Variants in SCFD2 observed in about 807,000 individuals in gnomAD.
SCFD2 encodes sec1 family domain-containing protein 2.
SCFD2 carries 54 observed loss-of-function variants against 58.9 expected under a neutral mutation model. The observed-to-expected ratio is 0.92, with a 90% CI of 0.74 to 1.15. The LOEUF is 1.15. Among genes scored for constraint, SCFD2 ranks in the 50% most tolerant of loss-of-function variants. SCFD2 has a pLI of 0.00. For missense variants in SCFD2, 805 were observed against 836.6 expected (o/e 0.96, Z 0.47); for synonymous variants, 321 against 335.9 (o/e 0.96, Z 0.49).
chr4:53,026,991 C>T (rs1370063824), intron 5 of SCFD2, among the ~76,000 whole-genome samples: 1 of 152,228 alleles, frequency 6.6e-6, no homozygotes, highest in Non-Finnish European at 1.5e-5. Flanking sequence ...AATGAATTGC[C>T]TGTCACCCTA....
At chr4:53,278,340 CAG>C (rs1731397595) in intron 3 of SCFD2, among the ~76,000 whole-genome samples, 1 of 145,330 alleles carries the variant, frequency 6.9e-6, no homozygotes, top group South Asian at 2.2e-4. Context: ...GCCTGGGAGG[CAG>C]AGAGAGACTC....
chr4:53,025,648 A>C (rs146583735), intron 5 of SCFD2, among the ~76,000 whole-genome samples: 129 of 152,330 alleles, frequency 8.5e-4, no homozygotes, highest in African/African-American at 2.8e-3. Flanking sequence ...TCCATTATAA[A>C]TGCTAAAAAT....
At chr4:53,151,670 C>A (rs1726511425) in intron 4 of SCFD2, among the ~76,000 whole-genome samples, 1 of 152,214 alleles carries the variant, frequency 6.6e-6, no homozygotes, top group Admixed American at 6.5e-5. Context: ...CCACATCATG[C>A]TAAGCTTCTG....
At chr4:52,902,690 C>A (rs539200839) in intron 7 of SCFD2, among the ~76,000 whole-genome samples, 1 of 152,300 alleles carries the variant, frequency 6.6e-6, no homozygotes, top group South Asian at 2.1e-4. Flanking sequence ...GCTTTATATG[C>A]ATTCATTGAT....
At chr4:53,303,609 C>T (rs2149101546) in intron 3 of SCFD2, among the ~76,000 whole-genome samples, 1 of 152,142 alleles carries the variant, frequency 6.6e-6, no homozygotes, top group East Asian at 1.9e-4. Context: ...TGTGTATATA[C>T]CCAAAGGATT....
chr4:53,326,928 G>C (rs1338197161), intron 2 of SCFD2, among the ~76,000 whole-genome samples: 1 of 151,754 alleles, frequency 6.6e-6, no homozygotes, highest in Admixed American at 6.6e-5. Context: ...TTTAGAATGA[G>C]GCTATAAGTA....
At chr4:53,015,295 A>G (rs1397002664) in intron 5 of SCFD2, among the ~76,000 whole-genome samples, 2 of 152,198 alleles carry the variant, frequency 1.3e-5, no homozygotes, top group Non-Finnish European at 2.9e-5. Flanking sequence ...GTTGGTCCTA[A>G]AACACCTGTC....
Position 52,873,802 on chromosome 4 carries a change from T to A in SCFD2, c.*167A>T. On this transcript the variant is annotated 3_prime_UTR_variant, in exon 9 of 9. Transcript: ENST00000401642. ...TTTTTTTTTTTAAGAATCACAGCAA[T>A]CCAAGCAAAGTACCTCACTGAGTAG... The A allele has an allele frequency of 1.8e-5, 7 of 379,142 alleles. No homozygotes were observed. The highest frequency in any genetic ancestry group is 6.6e-5 in the South Asian group (1 of 15,236). The allele number at this position is 379,142 out of a possible 1,614,324, so 23.5% of individuals were successfully genotyped here.
chr4:53,298,831 A>C (rs1355196487), intron 3 of SCFD2, among the ~76,000 whole-genome samples: 1 of 152,148 alleles, frequency 6.6e-6, no homozygotes, highest in Non-Finnish European at 1.5e-5. Flanking sequence ...ACCCAGGCAA[A>C]AAGGGTCTGG....
intron 4 of SCFD2, among the ~76,000 whole-genome samples, chr4:53,272,225 G>A (rs1470381710): frequency 6.6e-6 from 1 of 152,084 alleles, no homozygotes; most frequent in Non-Finnish European, 1.5e-5. Flanking sequence ...AAAGGATGTG[G>A]AGAAATAGGA....
intron 5 of SCFD2, among the ~76,000 whole-genome samples, chr4:53,142,732 TTCTTTTCAGTACA>T (rs1726207101): frequency 6.6e-6 from 1 of 152,226 alleles, no homozygotes; most frequent in Non-Finnish European, 1.5e-5. Flanking sequence ...ACACAAATGC[TTCTTTTCAGTACA>T]TTTTTGATTT....
chr4:53,167,192 C>T (rs932057999), intron 4 of SCFD2, among the ~76,000 whole-genome samples: 3 of 152,208 alleles, frequency 2.0e-5, no homozygotes, highest in African/African-American at 7.2e-5. Context: ...CTGGTCAGAT[C>T]CTCAGCATCA....
intron 5 of SCFD2, among the ~76,000 whole-genome samples, chr4:53,141,127 A>G (rs1418577811): frequency 6.6e-6 from 1 of 152,226 alleles, no homozygotes; most frequent in East Asian, 1.9e-4. Flanking sequence ...TACATTTTTA[A>G]AAGGTGATTT....
intron 3 of SCFD2, among the ~76,000 whole-genome samples, chr4:53,278,925 T>A (rs1731425305): frequency 6.6e-6 from 1 of 151,542 alleles, no homozygotes; most frequent in Non-Finnish European, 1.5e-5. Flanking sequence ...TTAAAATTTT[T>A]AAATTTAACC....
intron 5 of SCFD2, among the ~76,000 whole-genome samples, chr4:53,142,017 G>A (rs763326215): frequency 6.6e-6 from 1 of 152,120 alleles, no homozygotes; most frequent in Non-Finnish European, 1.5e-5. Flanking sequence ...CCAAAATAAT[G>A]TCTTACCAGA....
At chr4:53,228,966 T>C (rs1729326296) in intron 4 of SCFD2, among the ~76,000 whole-genome samples, 3 of 152,262 alleles carry the variant, frequency 2.0e-5, no homozygotes, top group African/African-American at 4.8e-5. Context: ...AGCATTCTTA[T>C]ACACCAATAA....
rs113823868 is a variant in SCFD2, at chr4:53,128,609, G to A, written c.1561+16724C>T. Among the ~76,000 whole-genome samples, 385 of 152,198 alleles carry A rather than the reference G, an allele frequency of 2.5e-3. 1 individual carries two copies. The highest frequency in any genetic ancestry group is 4.3e-3 in the Non-Finnish European group (293 of 68,000). ...GAGGAGGGGTGAAGGGGAATGGTAAGCAAGAGATTAAAGTTTAAAAAAATA... is the reference window on the plus strand; with the variant it reads ...GAGGAGGGGTGAAGGGGAATGGTAAACAAGAGATTAAAGTTTAAAAAAATA... On this transcript the variant is annotated intron_variant, in intron 5 of 8. Coordinates refer to ENST00000401642, the MANE Select transcript of SCFD2 (RefSeq NM_152540.4).
chr4:52,901,527 T>C (rs1441287517), intron 7 of SCFD2, among the ~76,000 whole-genome samples: 1 of 152,202 alleles, frequency 6.6e-6, no homozygotes, highest in African/African-American at 2.4e-5. Context: ...AATGGCCACA[T>C]GGAAAGAAAC....
chr4:53,083,879 G>C (rs1305699014), intron 5 of SCFD2, among the ~76,000 whole-genome samples: 2 of 152,086 alleles, frequency 1.3e-5, no homozygotes, highest in Admixed American at 1.3e-4. Context: ...CCACTAATAA[G>C]GGTCTAACAA....
Sources: gnomAD v4.1 joint callset for allele counts (sites outside exome capture counted in the v4.1 genomes callset) on GRCh38, gnomAD v4.1.1 for gene constraint, MANE v1.5 for transcripts, NCBI Gene and HGNC (gene_info 2026-07-23, HGNC 2026-07-21) for gene names.